Variants in ANKRD27 observed in about 807,000 individuals in gnomAD.
ANKRD27 encodes ankyrin repeat domain-containing protein 27.
A neutral mutation model predicts 129.7 loss-of-function variants in ANKRD27; 112 were observed. The ratio of observed to expected loss-of-function variants is 0.86; its 90% CI spans 0.74 to 1.01. The LOEUF (loss-of-function observed/expected upper bound fraction) is 1.01. Ranked by LOEUF, ANKRD27 falls within the 50% of genes least tolerant of loss-of-function variation. The pLI, the probability that ANKRD27 is intolerant of heterozygous loss-of-function variation, is 0.00. For synonymous variants in ANKRD27, 516 were observed against 511.2 expected (o/e 1.01, Z -0.13); for missense variants, 1,258 against 1,300.5 (o/e 0.97, Z 0.50).
intron 1 of ANKRD27, among the ~76,000 whole-genome samples, chr19:32,674,126 C>T (rs1967930489): frequency 6.6e-6 from 1 of 151,898 alleles, no homozygotes; most frequent in Non-Finnish European, 1.5e-5. Flanking sequence ...CACTGCACTC[C>T]AGACTAGCCA....
Position 32,631,474 on chromosome 19 carries a change from G to A in ANKRD27, c.1137C>T (p.Asp379=), listed in dbSNP as rs751268717. The part of the protein sequence containing the change: ...AKPPESEGFG[D]RLFLKQRMSL... The stretch of plus-strand genomic sequence containing the variant: ...TCATTCTCTGCTTAAGGAACAGCCT[G>A]TCTCCAAATCCCTCAGACTCCTGCA... Residue 379 remains aspartate (D), a synonymous_variant, in exon 13 of 29, where the codon GAC becomes GAT. Transcript: ENST00000306065. The A allele has an allele frequency of 1.2e-6, 2 of 1,614,068 alleles. No homozygotes were observed. Among genetic ancestry groups the A allele is most frequent in the Admixed American group, 1.7e-5 (1 of 60,016 alleles).
intron 5 of ANKRD27, 67 bp downstream of exon 5, chr19:32,644,258 G>T: frequency 6.5e-7 from 1 of 1,539,436 alleles, no homozygotes; most frequent in Non-Finnish European, 8.8e-7. Context: ...AGGAAACTGA[G>T]GGCTCCCAGC....
At chr19:32,673,877 T>C (rs1001590380) in intron 1 of ANKRD27, among the ~76,000 whole-genome samples, 4 of 150,934 alleles carry the variant, frequency 2.7e-5, no homozygotes, top group Non-Finnish European at 4.4e-5. Flanking sequence ...CAAAACGTGG[T>C]GGCTAGTGCC....
chr19:32,622,374 C>G lies in ANKRD27; in HGVS notation c.1827+48G>C, dbSNP rs758521527. ...AGGCCAAGACCTAAGCTACGGACAT[C>G]GATCTTCTTTCGAAGTCATCTTGCC... On this transcript the variant is annotated intron_variant, in intron 18 of 28. Coordinates refer to ENST00000306065, the MANE Select transcript of ANKRD27 (RefSeq NM_032139.3). 5 of 1,598,130 alleles carry G rather than the reference C, an allele frequency of 3.1e-6. No homozygotes were observed. In the East Asian group the frequency reaches 1.1e-4, roughly 36 times the overall value.
chr19:32,601,124 C>T lies in ANKRD27; in HGVS notation c.2767+891G>A, dbSNP rs557008690. Among the ~76,000 whole-genome samples the T allele has an allele frequency of 9.0e-4, 136 of 151,748 alleles. 1 individual carries two copies. Among genetic ancestry groups the T allele is most frequent in the South Asian group, 8.7e-3 (42 of 4,812 alleles). On this transcript the variant is annotated intron_variant, in intron 26 of 28. Transcript: ENST00000306065. The stretch of plus-strand genomic sequence containing the variant: ...GACCAGCCTGGCCAACATTGTGAAA[C>T]CCTGTCTCTACTAAAAATACAAAAA...
At chr19:32,666,763 C>T (rs969026557) in intron 1 of ANKRD27, among the ~76,000 whole-genome samples, 1 of 151,354 alleles carries the variant, frequency 6.6e-6, no homozygotes, top group African/African-American at 2.4e-5. Context: ...CCTGCTGCCT[C>T]AGCCTCCCTC....
At chr19:32,620,526 G>T in intron 18 of ANKRD27, among the ~76,000 whole-genome samples, 1 of 150,160 alleles carries the variant, frequency 6.7e-6, no homozygotes, top group East Asian at 2.0e-4. Context: ...CCAAGATCAT[G>T]CCACTGCACT....
intron 1 of ANKRD27, among the ~76,000 whole-genome samples, chr19:32,661,217 T>TCA (rs1568419902): frequency 5.7e-5 from 5 of 87,464 alleles, no homozygotes; most frequent in African/African-American, 1.8e-4. Context: ...AAAAAAAAAA[T>TCA]TATACACACA....
chr19:32,621,636 A>G (rs915212480), intron 18 of ANKRD27, among the ~76,000 whole-genome samples: 1 of 152,126 alleles, frequency 6.6e-6, no homozygotes, highest in African/African-American at 2.4e-5. Flanking sequence ...TCAAAACAAC[A>G]AAAAAAATTA....
chr19:32,661,220 T>TACACACAC (rs71176143), intron 1 of ANKRD27, among the ~76,000 whole-genome samples: 23 of 43,520 alleles, frequency 5.3e-4, no homozygotes, highest in African/African-American at 9.2e-4. Flanking sequence ...AAAAAAATTA[T>TACACACAC]ACACACACAC....
chr19:32,608,502 C>T, intron 22 of ANKRD27: 1 of 232,168 alleles, frequency 4.3e-6, no homozygotes, highest in Admixed American at 4.9e-5. Context: ...AAAATGTTAC[C>T]TCTTTAAAAA....
chr19:32,656,118 AAAAGAAAAG>A (rs1568417875), intron 2 of ANKRD27, among the ~76,000 whole-genome samples: 7 of 117,846 alleles, frequency 5.9e-5, no homozygotes, highest in African/African-American at 2.3e-4. Flanking sequence ...AAAAGAAAAG[AAAAGAAAAG>A]AAAAGAAAAG....
chr19:32,674,374 C>A (rs1967936766), intron 1 of ANKRD27, among the ~76,000 whole-genome samples: 1 of 152,158 alleles, frequency 6.6e-6, no homozygotes, highest in Non-Finnish European at 1.5e-5. Context: ...AGACCCGTCC[C>A]TTGCTCCCTC....
intron 20 of ANKRD27, among the ~76,000 whole-genome samples, chr19:32,618,859 C>G (rs1172358281): frequency 6.6e-6 from 1 of 151,644 alleles, no homozygotes; most frequent in East Asian, 2.0e-4. Flanking sequence ...TGCAGTGAGC[C>G]CGGATTGCAC....
chr19:32,626,239 C>T (rs1253533997), intron 16 of ANKRD27, among the ~76,000 whole-genome samples: 2 of 152,200 alleles, frequency 1.3e-5, no homozygotes, highest in Non-Finnish European at 2.9e-5. Context: ...ACGATCATTG[C>T]TCACTGCAGC....
intron 24 of ANKRD27, 122 bp downstream of exon 24, chr19:32,605,713 G>C: frequency 1.5e-6 from 2 of 1,367,446 alleles, no homozygotes; most frequent in Non-Finnish European, 1.0e-6. Context: ...CCTCTCCCCA[G>C]AGGCCTGGGG....
At chr19:32,657,530 G>A (rs1484845751) in intron 2 of ANKRD27, among the ~76,000 whole-genome samples, 1 of 151,712 alleles carries the variant, frequency 6.6e-6, no homozygotes, top group Non-Finnish European at 1.5e-5. Context: ...AGGAGGCCGA[G>A]GCAAATCACT....
intron 12 of ANKRD27, among the ~76,000 whole-genome samples, chr19:32,634,891 G>C (rs934406229): frequency 6.6e-6 from 1 of 152,100 alleles, no homozygotes; most frequent in African/African-American, 2.4e-5. Context: ...CTCCCGTCTG[G>C]GTGACAGAGC....
At chr19:32,629,625 G>A (rs572349972) in intron 13 of ANKRD27, among the ~76,000 whole-genome samples, 84 of 152,124 alleles carry the variant, frequency 5.5e-4, no homozygotes, top group African/African-American at 1.9e-3. Flanking sequence ...ACTTGAACCC[G>A]GGAGATGGAG....
Sources: gnomAD v4.1 joint callset for allele counts (sites outside exome capture counted in the v4.1 genomes callset) on GRCh38, gnomAD v4.1.1 for gene constraint, MANE v1.5 for transcripts, NCBI Gene and HGNC (gene_info 2026-07-23, HGNC 2026-07-21) for gene names.